The following UGT2B17 variants were observed in gnomAD, a reference collection of about 807,000 sequenced individuals.
UGT2B17 encodes UDP-glucuronosyltransferase 2B17.
In UGT2B17, 21 loss-of-function variants were observed where a neutral mutation model predicts 48.2. That is an observed-to-expected ratio of 0.44 (90% CI 0.31 to 0.63). The LOEUF (loss-of-function observed/expected upper bound fraction) is 0.63, where lower values mean the gene tolerates loss of function less well. Ranked by LOEUF, UGT2B17 falls within the 20% of genes least tolerant of loss-of-function variation. The pLI, the probability that UGT2B17 is intolerant of heterozygous loss-of-function variation, is 0.08. For missense variants in UGT2B17, 402 were observed against 696.1 expected, an observed-to-expected ratio of 0.58 and a Z score of 4.75; for synonymous variants, 146 against 238.4, an observed-to-expected ratio of 0.61 and a Z score of 3.57.
At position 68,568,025 on chromosome 4, in the gene UGT2B17, C is replaced by T. The variant is rs200806791; in HGVS notation, c.460G>A (p.Val154Ile). ...GCCAGCAGCTCACCACAGGGATTAA[C>T]GGCATCTGCCAGAAGGACATCAAAT... ...SKFDVLLADA[V>I]NPCGELLAEL... Residue 154 changes from valine (V) to isoleucine (I), a missense_variant, in exon 2 of 7, where the codon GTT becomes ATT. Around this residue, in one of 5 missense-constraint regions of UGT2B17, gnomAD observed 84 missense variants for 92.6 expected, o/e 0.91. Transcript: ENST00000317746. 215 of 1,382,410 alleles carry T rather than the reference C, an allele frequency of 1.6e-4. 64 individuals are homozygous for T. The highest frequency in any genetic ancestry group is 5.0e-4 in the South Asian group (31 of 62,380). 85.6% of individuals were successfully genotyped at this position (1,382,410 alleles called of 1,614,324 possible).
At chr4:68,539,361 T>C (rs1398881461) in intron 6 of UGT2B17, among the ~76,000 whole-genome samples, 1 of 125,794 alleles carries the variant, frequency 7.9e-6, no homozygotes, top group Non-Finnish European at 1.7e-5. Context: ...AGTTGTTTAA[T>C]TGCACTGGTG....
chr4:68,556,739 C>G (rs1329659588), intron 4 of UGT2B17, among the ~76,000 whole-genome samples: 3 of 125,364 alleles, frequency 2.4e-5, no homozygotes, highest in African/African-American at 8.1e-5. Flanking sequence ...GAAAAACAAA[C>G]TTATTTGGCT....
rs1222801693 is a variant in UGT2B17 at position 68,541,636 on chromosome 4, C to T, written c.1314-3732G>A. ...GATGGTTTATTTTGCTGTGCAGAAGCTCTTTAGTTTAATTTGATCCCATTT... is the reference window on the plus strand; with the variant it reads ...GATGGTTTATTTTGCTGTGCAGAAGTTCTTTAGTTTAATTTGATCCCATTT... On this transcript the variant is annotated intron_variant, in intron 6 of 6. Transcript: ENST00000317746. Among the ~76,000 whole-genome samples, 3 of 126,308 alleles carry T rather than the reference C, an allele frequency of 2.4e-5. 1 individual carries two copies. Among genetic ancestry groups the T allele is most frequent in the Non-Finnish European group, 5.0e-5 (3 of 59,688 alleles). 82.9% of individuals were successfully genotyped at this position (126,308 alleles called of 152,430 possible).
In UGT2B17 at chr4:68,539,988, G is replaced by A. The variant is rs1730624652; in HGVS notation, c.1314-2084C>T. On this transcript the variant is annotated intron_variant, in intron 6 of 6. Coordinates refer to ENST00000317746, the MANE Select transcript of UGT2B17 (RefSeq NM_001077.4). ...ACTAGTGGACACAGGATTTCACCATGTTGGCCAGGCTGGTCTCGAACTCCT... is the reference window on the plus strand; with the variant it reads ...ACTAGTGGACACAGGATTTCACCATATTGGCCAGGCTGGTCTCGAACTCCT... 1.6e-5 allele frequency among the ~76,000 whole-genome samples: 2 copies of A among 122,164 alleles called. 1 individual carries two copies. Among genetic ancestry groups the A allele is most frequent in the South Asian group, 7.8e-4 (2 of 2,564 alleles). The allele number at this position is 122,164 out of a possible 152,430, so 80.1% of individuals were successfully genotyped here. A position where few individuals can be genotyped will look rare whatever the true frequency, so the allele number is the denominator to read the frequency against.
intron 3 of UGT2B17, among the ~76,000 whole-genome samples, chr4:68,564,294 A>ATATATATTTTT (rs1366181355): frequency 2.6e-5 from 2 of 75,784 alleles, no homozygotes; most frequent in African/African-American, 1.0e-4. Flanking sequence ...ATATATATAT[A>ATATATATTTTT]TTTTTTTTTT....
chr4:68,561,724 T>C (rs1470208677), intron 3 of UGT2B17, among the ~76,000 whole-genome samples: 1 of 120,444 alleles, frequency 8.3e-6, no homozygotes, highest in African/African-American at 2.8e-5. Context: ...TTTCCTGATG[T>C]GTTCCTGTTT....
chr4:68,545,640 G>T (rs1730786697), intron 6 of UGT2B17, among the ~76,000 whole-genome samples: 1 of 125,628 alleles, frequency 8.0e-6, no homozygotes, highest in African/African-American at 2.7e-5. Context: ...CCAAGAGCTG[G>T]TTTTTTGAAA....
chr4:68,565,424 G>C (rs182357383), intron 3 of UGT2B17, 148 bp downstream of exon 3: 9,343 of 703,730 alleles, frequency 0.013, 1,218 homozygotes, highest in East Asian at 0.021. Flanking sequence ...ACTTGTGATA[G>C]TATAGAAATA....
At position 68,559,522 on chromosome 4, in the gene UGT2B17, T is replaced by A. The variant is rs544713193; in HGVS notation, c.1005+1015A>T. 2.5e-4 allele frequency among the ~76,000 whole-genome samples: 31 copies of A among 124,348 alleles called. 7 individuals are homozygous for A. Among genetic ancestry groups the A allele is most frequent in the Non-Finnish European group, 3.1e-4 (18 of 58,804 alleles). The allele number at this position is 124,348 out of a possible 152,430, so 81.6% of individuals were successfully genotyped here. On this transcript the variant is annotated intron_variant, in intron 4 of 6. Transcript: ENST00000317746. ...ACCAAACTAAGGTACTGATTTTAGATTTCCCAAGCAATCTTTATAAACTGG... is the reference window on the plus strand; with the variant it reads ...ACCAAACTAAGGTACTGATTTTAGAATTCCCAAGCAATCTTTATAAACTGG...
Position 68,565,627 on chromosome 4 carries a change from G to C in UGT2B17, c.818C>G (p.Pro273Arg). ...WDFEFPRPFL[P>R]NVDFVGGLHC... The stretch of plus-strand genomic sequence containing the variant: ...AAGTCCTCCAACAAAATCAACATTT[G>C]GTAAGAATGGGCGAGGAAATTCAAA... Residue 273 changes from proline to arginine, a missense_variant, in exon 3 of 7, where the codon CCA becomes CGA. This residue lies in a region of UGT2B17 where 106 missense variants were observed against 169.8 expected (regional missense o/e 0.62). Transcript: ENST00000317746. The C allele has an allele frequency of 7.3e-7, 1 of 1,369,846 alleles. No homozygotes were observed. The highest frequency in any genetic ancestry group is 9.5e-7 in the Non-Finnish European group (1 of 1,050,532). The allele number at this position is 1,369,846 out of a possible 1,614,324, so 84.9% of individuals were successfully genotyped here.
In UGT2B17 at chr4:68,546,661, G is replaced by A. The variant is rs74987929; in HGVS notation, c.1313+4016C>T. ...GTCCCTGTTTGCAGAAGACATGATT[G>A]TATATCTAGAAAACCTGATCGTCTG... On this transcript the variant is annotated intron_variant, in intron 6 of 6. Coordinates refer to ENST00000317746, the MANE Select transcript of UGT2B17 (RefSeq NM_001077.4). Among the ~76,000 whole-genome samples, 3 of 125,536 alleles carry A rather than the reference G, an allele frequency of 2.4e-5. 1 individual carries two copies. The Middle Eastern group carries it at 0.012, about 502-fold the overall frequency. The allele number at this position is 125,536 out of a possible 152,430, so 82.4% of individuals were successfully genotyped here. A position where few individuals can be genotyped will look rare whatever the true frequency, so the allele number is the denominator to read the frequency against.
At chr4:68,557,686 T>C (rs1015647914) in intron 4 of UGT2B17, among the ~76,000 whole-genome samples, 1 of 127,918 alleles carries the variant, frequency 7.8e-6, no homozygotes, top group African/African-American at 2.7e-5. Context: ...TTTACTTTTG[T>C]CAATACAGTT....
At chr4:68,545,474 A>G (rs1379327366) in intron 6 of UGT2B17, among the ~76,000 whole-genome samples, 1 of 125,772 alleles carries the variant, frequency 8.0e-6, no homozygotes, top group African/African-American at 2.7e-5. Flanking sequence ...AGAAAGCAGG[A>G]AACATCTAAA....
In UGT2B17 at chr4:68,555,824, G is replaced by A. The variant is rs1362982168; in HGVS notation, c.1006-3913C>T. Among the ~76,000 whole-genome samples, 17 of 123,860 alleles carry A rather than the reference G, an allele frequency of 1.4e-4. 3 individuals are homozygous for A. Among genetic ancestry groups the A allele is most frequent in the Non-Finnish European group, 8.5e-5 (5 of 58,730 alleles). 81.3% of individuals were successfully genotyped at this position (123,860 alleles called of 152,430 possible). A position where few individuals can be genotyped will look rare whatever the true frequency, so the allele number is the denominator to read the frequency against. On this transcript the variant is annotated intron_variant, in intron 4 of 6. Coordinates refer to ENST00000317746, the MANE Select transcript of UGT2B17 (RefSeq NM_001077.4). ...GCATCTTTTTTAAAAAGGTGAAGAAGTGTTGTCTAATTCAAAGCTTATTTA... is the reference window on the plus strand; with the variant it reads ...GCATCTTTTTTAAAAAGGTGAAGAAATGTTGTCTAATTCAAAGCTTATTTA...
chr4:68,538,621 T>A (rs1730599487), intron 6 of UGT2B17, among the ~76,000 whole-genome samples: 1 of 126,520 alleles, frequency 7.9e-6, no homozygotes, highest in African/African-American at 2.7e-5. Flanking sequence ...TCTAATCTTC[T>A]GTCTTCTACC....
rs1730570360 is a variant in UGT2B17 at position 68,537,286 on chromosome 4, G to A, written c.*339C>T. On this transcript the variant is annotated 3_prime_UTR_variant, in exon 7 of 7. Coordinates refer to ENST00000317746, the MANE Select transcript of UGT2B17 (RefSeq NM_001077.4). ...TTGCAAAACAATGTTGATACTATGA[G>A]TGGAGTTGTTAATGTTTTGTGTTCA... is the stretch of plus-strand genomic sequence containing the variant. 2 of 141,038 alleles carry A rather than the reference G, an allele frequency of 1.4e-5. 1 individual carries two copies. Among genetic ancestry groups the A allele is most frequent in the African/African-American group, 5.3e-5 (2 of 38,046 alleles). The allele number at this position is 141,038 out of a possible 1,614,324, so 8.7% of individuals were successfully genotyped here.
chr4:68,568,918 A>G (rs1258899082), intron 1 of UGT2B17, among the ~76,000 whole-genome samples: 1 of 139,250 alleles, frequency 7.2e-6, no homozygotes, highest in Admixed American at 7.2e-5. Context: ...TAGTATATTC[A>G]CAGAATTTTA....
chr4:68,547,388 C>A (rs1730834444), intron 6 of UGT2B17, among the ~76,000 whole-genome samples: 1 of 126,716 alleles, frequency 7.9e-6, no homozygotes, highest in African/African-American at 2.7e-5. Context: ...AAAGCTGAAA[C>A]TGGATACCTT....
At chr4:68,568,732 G>A (rs1158552147) in intron 1 of UGT2B17, among the ~76,000 whole-genome samples, 184 bp from the exon 2 acceptor site, 2 of 126,662 alleles carry the variant, frequency 1.6e-5, no homozygotes, top group African/African-American at 5.4e-5. Flanking sequence ...TAAGAACAGT[G>A]GCAGGTGAGA....
Sources: gnomAD v4.1 joint callset for allele counts (sites outside exome capture counted in the v4.1 genomes callset) on GRCh38, gnomAD v4.1.1 for gene constraint, gnomAD v4.1.1 regional missense constraint, MANE v1.5 for transcripts, NCBI Gene and HGNC (gene_info 2026-07-23, HGNC 2026-07-21) for gene names.